Variants in ARHGAP42 observed in about 807,000 individuals in gnomAD.
The protein encoded by ARHGAP42 is rho GTPase-activating protein 42.
Under a neutral mutation model 125.0 loss-of-function variants are expected in ARHGAP42, and 63 were observed. The observed-to-expected ratio is 0.50, with a 90% confidence interval of 0.41 to 0.62. The LOEUF is 0.62. ARHGAP42 is among the 20% of genes least tolerant of loss of function. The probability of loss-of-function intolerance (pLI) is 0.00; values close to 1 mark genes in which losing one functional copy is unlikely to be tolerated. For synonymous variants in ARHGAP42, 339 were observed against 351.0 expected, an observed-to-expected ratio of 0.97 and a Z score of 0.38; for missense variants, 766 against 1,024.2, an observed-to-expected ratio of 0.75 and a Z score of 3.44.
intron 5 of ARHGAP42, among the ~76,000 whole-genome samples, chr11:100,918,011 G>A (rs1190484737): frequency 1.3e-5 from 2 of 152,140 alleles, no homozygotes; most frequent in African/African-American, 4.8e-5. Flanking sequence ...ATATTCACAT[G>A]TACTTAGGCT....
chr11:100,930,083 T>C (rs1254669713), intron 6 of ARHGAP42, among the ~76,000 whole-genome samples: 1 of 152,264 alleles, frequency 6.6e-6, no homozygotes, highest in Non-Finnish European at 1.5e-5. Flanking sequence ...AGGAACTTTC[T>C]TAGTATTCAA....
At position 100,735,895 on chromosome 11, in the gene ARHGAP42, C is replaced by T. The variant is rs375156133; in HGVS notation, c.155-34448C>T. On this transcript the variant is annotated intron_variant, in intron 1 of 23. Transcript: ENST00000298815. The stretch of plus-strand genomic sequence containing the variant: ...CCTCCCAAAGTGTTGGGATTACAGG[C>T]GTGAGCTACCGCGCCCAGCAGACTT... Among the ~76,000 whole-genome samples the T allele has an allele frequency of 1.8e-4, 28 of 152,240 alleles. No individual in the cohort carries two copies. In the East Asian group the frequency reaches 4.1e-3, roughly 22 times the overall value.
chr11:100,914,866 A>G (rs1296245846), intron 5 of ARHGAP42, among the ~76,000 whole-genome samples: 1 of 152,144 alleles, frequency 6.6e-6, no homozygotes, highest in Non-Finnish European at 1.5e-5. Flanking sequence ...GACAACTCAG[A>G]GTGTTACAAA....
At chr11:100,760,438 C>T (rs1471398526) in intron 1 of ARHGAP42, among the ~76,000 whole-genome samples, 3 of 152,184 alleles carry the variant, frequency 2.0e-5, no homozygotes, top group African/African-American at 7.2e-5. Context: ...GTGGCTTACA[C>T]TTGTAATCCC....
At chr11:100,981,089 A>G (rs907185573) in intron 22 of ARHGAP42, among the ~76,000 whole-genome samples, 2 of 152,160 alleles carry the variant, frequency 1.3e-5, no homozygotes, top group African/African-American at 2.4e-5. Flanking sequence ...TTAGGTCACC[A>G]CTTTCTAGTT....
intron 1 of ARHGAP42, among the ~76,000 whole-genome samples, chr11:100,754,801 C>T (rs894219585): frequency 6.6e-6 from 1 of 152,084 alleles, no homozygotes; most frequent in African/African-American, 2.4e-5. Context: ...CTGTTAATGA[C>T]GAGCCAAAAT....
chr11:100,692,910 T>G (rs1209378167), intron 1 of ARHGAP42, among the ~76,000 whole-genome samples: 4 of 152,254 alleles, frequency 2.6e-5, no homozygotes, highest in Non-Finnish European at 5.9e-5. Context: ...GTTTCACTAA[T>G]GCAACTTAGC....
At chr11:100,742,277 T>G (rs1377389913) in intron 1 of ARHGAP42, among the ~76,000 whole-genome samples, 1 of 152,216 alleles carries the variant, frequency 6.6e-6, no homozygotes, top group Non-Finnish European at 1.5e-5. Context: ...ATCAGTGTCT[T>G]CCTTCATTTC....
chr11:100,776,700 G>T (rs1005267000), intron 2 of ARHGAP42, among the ~76,000 whole-genome samples: 6 of 152,086 alleles, frequency 3.9e-5, no homozygotes, highest in African/African-American at 1.4e-4. Flanking sequence ...GCATCGGCCG[G>T]GCACAGTGGC....
intron 1 of ARHGAP42, among the ~76,000 whole-genome samples, chr11:100,764,845 T>G (rs1319729408): frequency 6.6e-6 from 1 of 152,138 alleles, no homozygotes; most frequent in Non-Finnish European, 1.5e-5. Flanking sequence ...ATATACTACT[T>G]AATATAAAGT....
chr11:100,813,240 T>C (rs1184077770), intron 3 of ARHGAP42, among the ~76,000 whole-genome samples: 1 of 152,210 alleles, frequency 6.6e-6, no homozygotes, highest in Non-Finnish European at 1.5e-5. Context: ...CTGTGCATTG[T>C]AGGATGTTTA....
chr11:100,822,026 C>T (rs547324461), intron 3 of ARHGAP42, among the ~76,000 whole-genome samples: 6 of 152,152 alleles, frequency 3.9e-5, no homozygotes, highest in South Asian at 2.1e-4. Context: ...GATAAATGTA[C>T]GGGTAAAATA....
intron 1 of ARHGAP42, among the ~76,000 whole-genome samples, chr11:100,706,474 A>G (rs1234397009): frequency 1.3e-5 from 2 of 151,768 alleles, no homozygotes; most frequent in African/African-American, 4.8e-5. Context: ...CATTGTGACA[A>G]CTCTTTTAGA....
At chr11:100,791,550 T>G (rs1400266989) in intron 2 of ARHGAP42, among the ~76,000 whole-genome samples, 3 of 150,792 alleles carry the variant, frequency 2.0e-5, no homozygotes, top group Non-Finnish European at 4.4e-5. Context: ...GTCCTCAACT[T>G]TTTTTTTTAA....
In ARHGAP42 at chr11:100,814,917, G is replaced by C. The variant is rs564712663; in HGVS notation, c.312+19751G>C. Among the ~76,000 whole-genome samples, 7 of 152,296 alleles carry C rather than the reference G, an allele frequency of 4.6e-5. No individual in the cohort carries two copies. The East Asian group carries it at 1.4e-3, about 29-fold the overall frequency. ...AGATATGTAGGAGCCTTCACATACG[G>C]TGTTTCTTCTTCCATTCGTCACTTG... On this transcript the variant is annotated intron_variant, in intron 3 of 23. Transcript: ENST00000298815.
chr11:100,949,713 T>A (rs1591315947), intron 11 of ARHGAP42, among the ~76,000 whole-genome samples: 1 of 152,168 alleles, frequency 6.6e-6, no homozygotes, highest in South Asian at 2.1e-4. Flanking sequence ...CAGCCACGGA[T>A]GGAAAAGGAG....
chr11:100,769,496 T>C (rs892984245), intron 1 of ARHGAP42, among the ~76,000 whole-genome samples: 2 of 152,192 alleles, frequency 1.3e-5, no homozygotes, highest in African/African-American at 4.8e-5. Flanking sequence ...TTGTTCAGAC[T>C]GAAGTCAGGA....
intron 3 of ARHGAP42, among the ~76,000 whole-genome samples, chr11:100,797,319 G>A (rs1863740872): frequency 6.6e-6 from 1 of 152,188 alleles, no homozygotes; most frequent in South Asian, 2.1e-4. Flanking sequence ...CCTTCCCTTG[G>A]AAGAAGTTGC....
At chr11:100,859,665 A>T (rs1443054516) in intron 4 of ARHGAP42, 40 bp downstream of exon 4, 5 of 1,319,010 alleles carry the variant, frequency 3.8e-6, no homozygotes, top group African/African-American at 1.5e-5. Flanking sequence ...TATTCTCCTG[A>T]TAATTAAAGA....
Sources: allele counts gnomAD v4.1 joint callset (sites outside exome capture counted in the v4.1 genomes callset), GRCh38; gene constraint gnomAD v4.1.1; transcripts MANE v1.5; gene names NCBI Gene and HGNC (gene_info 2026-07-23, HGNC 2026-07-21).